Variants in TET1 observed in about 807,000 individuals in gnomAD.
TET1 encodes the protein methylcytosine dioxygenase TET1.
TET1 carries 13 observed loss-of-function variants against 148.7 expected under a neutral mutation model. That is an observed-to-expected ratio of 0.09 (90% CI 0.06 to 0.14). The LOEUF (loss-of-function observed/expected upper bound fraction) is 0.14, where lower values mean the gene tolerates loss of function less well. TET1 is among the 10% of genes least tolerant of loss of function. The probability of loss-of-function intolerance (pLI) is 1.00; values close to 1 mark genes in which losing one functional copy is unlikely to be tolerated. For missense variants in TET1, 2,182 were observed against 2,553.8 expected, an observed-to-expected ratio of 0.85 and a Z score of 3.14; for synonymous variants, 907 against 937.2, an observed-to-expected ratio of 0.97 and a Z score of 0.59.
At chr10:68,624,439 G>A (rs1193027114) in intron 3 of TET1, among the ~76,000 whole-genome samples, 4 of 151,884 alleles carry the variant, frequency 2.6e-5, no homozygotes, top group Non-Finnish European at 5.9e-5. Flanking sequence ...ACAGGCATGC[G>A]CCACCACACC....
intron 3 of TET1, among the ~76,000 whole-genome samples, chr10:68,626,049 A>C (rs1202948722): frequency 6.7e-6 from 1 of 148,166 alleles, no homozygotes. Flanking sequence ...GTGCCACTGC[A>C]CTCCAGCCTG....
At position 68,675,473 on chromosome 10, in the gene TET1, A is replaced by G. The variant is rs146061990; in HGVS notation, c.4824+2428A>G. On this transcript the variant is annotated intron_variant, in intron 8 of 11. Transcript: ENST00000373644. ...AAAAAGCTTATGGGCACTGCCCCAA[A>G]GAAATCTGCAGTTTACAAATGGATA... is the stretch of plus-strand genomic sequence containing the variant. Among the ~76,000 whole-genome samples the G allele has an allele frequency of 3.8e-3, 585 of 152,342 alleles. 3 individuals carry two copies. The highest frequency in any genetic ancestry group is 0.013 in the African/African-American group (550 of 41,576).
At chr10:68,640,463 C>T (rs2054729238) in intron 3 of TET1, among the ~76,000 whole-genome samples, 1 of 149,240 alleles carries the variant, frequency 6.7e-6, no homozygotes, top group African/African-American at 2.5e-5. Context: ...GGGGTTTCAC[C>T]ATCTTGGCCA....
chr10:68,563,232 A>T (rs1469578775), intron 1 of TET1, among the ~76,000 whole-genome samples: 1 of 151,976 alleles, frequency 6.6e-6, no homozygotes, highest in Admixed American at 6.6e-5. Flanking sequence ...CTGGCATTCT[A>T]GTGAGTTTCC....
chr10:68,596,468 T>C (rs2053990533), intron 2 of TET1, among the ~76,000 whole-genome samples: 1 of 152,166 alleles, frequency 6.6e-6, no homozygotes, highest in South Asian at 2.1e-4. Flanking sequence ...TTAATTTTTT[T>C]TGTAGAGATG....
At chr10:68,650,364 T>G (rs2054913404) in intron 4 of TET1, among the ~76,000 whole-genome samples, 1 of 151,402 alleles carries the variant, frequency 6.6e-6, no homozygotes, top group Non-Finnish European at 1.5e-5. Context: ...AGAAGTAGGC[T>G]GGGTGCCGTG....
At chr10:68,632,944 T>A (rs192399852) in intron 3 of TET1, among the ~76,000 whole-genome samples, 1,597 of 148,794 alleles carry the variant, frequency 0.011, 24 homozygotes, top group African/African-American at 0.034. Flanking sequence ...ATTTGAATTT[T>A]AAAAAAAAAA....
intron 4 of TET1, among the ~76,000 whole-genome samples, chr10:68,648,897 A>G (rs1012335623): frequency 2.0e-5 from 3 of 152,146 alleles, no homozygotes; most frequent in African/African-American, 7.2e-5. Flanking sequence ...ACAGACATGA[A>G]CCACCACACC....
chr10:68,624,822 T>C (rs7916732), intron 3 of TET1, among the ~76,000 whole-genome samples: 142,359 of 150,446 alleles, frequency 0.95, 67,388 homozygotes, highest in East Asian at 0.98. Context: ...AGCTCCGCCT[T>C]CCGGGTTCAC....
intron 2 of TET1, among the ~76,000 whole-genome samples, chr10:68,598,250 G>A (rs1426256113): frequency 6.6e-6 from 1 of 152,114 alleles, no homozygotes; most frequent in Non-Finnish European, 1.5e-5. Flanking sequence ...AATTAGCCAG[G>A]CGTGATGGCG....
intron 3 of TET1, among the ~76,000 whole-genome samples, chr10:68,617,412 A>T (rs2132951930): frequency 6.6e-6 from 1 of 152,110 alleles, no homozygotes; most frequent in South Asian, 2.1e-4. Flanking sequence ...CTTCTGCCTC[A>T]GCCTCCCAAA....
chr10:68,676,236 G>GTATATATA (rs750680550), intron 8 of TET1, among the ~76,000 whole-genome samples: 12 of 55,492 alleles, frequency 2.2e-4, no homozygotes, highest in African/African-American at 5.7e-4. Flanking sequence ...GTATGTATGT[G>GTATATATA]TATATATATA....
chr10:68,673,443 A>C (rs1394038340), intron 8 of TET1: 2 of 413,970 alleles, frequency 4.8e-6, no homozygotes, highest in South Asian at 3.6e-5. Context: ...TCCAGAAAGA[A>C]GATATATGAA....
chr10:68,572,166 G>T, intron 1 of TET1, 51 bp from the exon 2 acceptor site: 1 of 579,380 alleles, frequency 1.7e-6, no homozygotes, highest in Non-Finnish European at 3.1e-6. Flanking sequence ...TTTCAAATAG[G>T]GGAATGCATA....
chr10:68,674,766 G>A (rs769338979), intron 8 of TET1: 15 of 498,532 alleles, frequency 3.0e-5, no homozygotes, highest in Middle Eastern at 3.2e-4. Flanking sequence ...AATCAGATAC[G>A]GAAGACCTCT....
chr10:68,664,596 C>A (rs999008900), intron 6 of TET1, among the ~76,000 whole-genome samples: 26 of 149,632 alleles, frequency 1.7e-4, no homozygotes, highest in African/African-American at 6.1e-4. Context: ...CCATGTTGCC[C>A]AAGCTGGTCT....
intron 3 of TET1, among the ~76,000 whole-genome samples, chr10:68,603,259 A>G (rs896473907): frequency 2.0e-5 from 3 of 152,164 alleles, no homozygotes; most frequent in African/African-American, 4.8e-5. Flanking sequence ...TGGATCATTT[A>G]CCCTTTGTCA....
At chr10:68,601,527 T>A (rs1345842877) in intron 3 of TET1, among the ~76,000 whole-genome samples, 1 of 152,238 alleles carries the variant, frequency 6.6e-6, no homozygotes, top group African/African-American at 2.4e-5. Context: ...TTGTTTAATC[T>A]CAAATTCTCA....
chr10:68,611,512 C>A (rs147290607), intron 3 of TET1, among the ~76,000 whole-genome samples: 129 of 151,884 alleles, frequency 8.5e-4, no homozygotes, highest in African/African-American at 3.0e-3. Flanking sequence ...GTGGGTTGGG[C>A]ATAGTGGCTT....
Sources: gnomAD v4.1 joint callset for allele counts (sites outside exome capture counted in the v4.1 genomes callset) on GRCh38, gnomAD v4.1.1 for gene constraint, MANE v1.5 for transcripts, NCBI Gene and HGNC (gene_info 2026-07-23, HGNC 2026-07-21) for gene names.